PTPN3: variants seen among roughly 807,000 people sequenced by gnomAD.
PTPN3 encodes the protein protein tyrosine phosphatase non-receptor type 3, also known as tyrosine-protein phosphatase non-receptor type 3.
PTPN3 carries 96 observed loss-of-function variants against 132.7 expected under a neutral mutation model. The observed-to-expected ratio is 0.72, with a 90% confidence interval of 0.61 to 0.86. The LOEUF is 0.86. Among genes scored for constraint, PTPN3 ranks in the 40% least tolerant of loss-of-function variants. PTPN3 has a pLI of 0.00. For synonymous variants in PTPN3, 398 were observed against 429.0 expected (o/e 0.93, Z 0.89); for missense variants, 1,125 against 1,159.6 (o/e 0.97, Z 0.43).
chr9:109,390,699 T>C (rs759518698), intron 21 of PTPN3, among the ~76,000 whole-genome samples: 3 of 152,188 alleles, frequency 2.0e-5, no homozygotes, highest in Non-Finnish European at 4.4e-5. Context: ...GCTTTTCCCA[T>C]AACATGTGAA....
At chr9:109,408,855 T>C (rs1164113301) in intron 16 of PTPN3, among the ~76,000 whole-genome samples, 1 of 118,858 alleles carries the variant, frequency 8.4e-6, no homozygotes, top group East Asian at 2.5e-4. Context: ...AATATATATA[T>C]ATATGGGCTT....
chr9:109,383,460 G>A lies in PTPN3; in HGVS notation c.2345C>T (p.Ala782Val). The A allele has an allele frequency of 6.2e-7, 1 of 1,614,106 alleles. No homozygotes were observed. Among genetic ancestry groups the A allele is most frequent in the Non-Finnish European group, 8.5e-7 (1 of 1,180,020 alleles). The change falls in exon 23 of 26, where the codon GCC (alanine) becomes GTC (valine). Residue 782 changes from alanine (A) to valine (V), a missense_variant. Physicochemically the swap from Ala to Val is moderately conservative, Grantham distance 64 (BLOSUM62 0). Coordinates refer to ENST00000374541, the MANE Select transcript of PTPN3 (RefSeq NM_002829.4). ...IQCQSEDCTI[A>V]YVSREMLVTN... ...GACCAGCATTTCTCGGGACACATAG[G>A]CGATGGTGCAGTCCTCTGACTGACA...
chr9:109,456,812 G>A (rs1432848248), intron 4 of PTPN3, among the ~76,000 whole-genome samples: 1 of 148,592 alleles, frequency 6.7e-6, no homozygotes, highest in Non-Finnish European at 1.5e-5. Context: ...GAAAGTATGA[G>A]GTGTTTGTGT....
upstream of PTPN3, among the ~76,000 whole-genome samples, chr9:109,501,682 C>T (rs1369934567): frequency 6.6e-6 from 1 of 152,178 alleles, no homozygotes. Flanking sequence ...TATTGTTGAA[C>T]TCAGCCAAGT....
At chr9:109,490,292 C>T (rs1021523727) in intron 1 of PTPN3, among the ~76,000 whole-genome samples, 7 of 152,238 alleles carry the variant, frequency 4.6e-5, no homozygotes, top group Admixed American at 1.3e-4. Flanking sequence ...CTTGCACCTC[C>T]TTCCATCTCT....
intron 22 of PTPN3, 86 bp from the exon 23 acceptor site, chr9:109,383,637 C>A: frequency 6.5e-7 from 1 of 1,526,966 alleles, no homozygotes; most frequent in Non-Finnish European, 8.9e-7. Flanking sequence ...ACGGGTTAGG[C>A]ATCCTCTCAT....
At chr9:109,483,113 C>T (rs538312738) in intron 1 of PTPN3, among the ~76,000 whole-genome samples, 1 of 152,358 alleles carries the variant, frequency 6.6e-6, no homozygotes, top group South Asian at 2.1e-4. Context: ...CCCAGATCAA[C>T]ATGATAGCTT....
At chr9:109,492,402 G>A (rs753102733) in intron 1 of PTPN3, among the ~76,000 whole-genome samples, 45 of 152,262 alleles carry the variant, frequency 3.0e-4, no homozygotes, top group Admixed American at 1.2e-3. Flanking sequence ...CCTGAGAACC[G>A]GGACCTGTGG....
At chr9:109,436,533 A>G (rs1844064848) in intron 9 of PTPN3, among the ~76,000 whole-genome samples, 1 of 152,244 alleles carries the variant, frequency 6.6e-6, no homozygotes, top group Admixed American at 6.5e-5. Flanking sequence ...AACACTTGAG[A>G]TTAAGTAGTA....
At chr9:109,449,492 C>T (rs1845099442) in intron 5 of PTPN3, 9 of 985,502 alleles carry the variant, frequency 9.1e-6, no homozygotes, top group African/African-American at 7.0e-5. Flanking sequence ...ATGTAACTTC[C>T]AAACTCCAGA....
At chr9:109,450,042 C>T (rs1024015994) in intron 5 of PTPN3, 1 of 983,490 alleles carries the variant, frequency 1.0e-6, no homozygotes, top group African/African-American at 1.7e-5. Flanking sequence ...TATGTGAGGT[C>T]AATTGTGTCT....
intron 2 of PTPN3, among the ~76,000 whole-genome samples, chr9:109,460,017 A>T (rs12551521): frequency 0.19 from 29,549 of 151,860 alleles, 3,233 homozygotes; most frequent in Admixed American, 0.3. Context: ...CCCATCCCCT[A>T]ACCTCCTGAC....
At chr9:109,383,982 C>G (rs1355492418) in intron 22 of PTPN3, among the ~76,000 whole-genome samples, 1 of 152,108 alleles carries the variant, frequency 6.6e-6, no homozygotes. Flanking sequence ...GGCCTCCAGG[C>G]ACAGCAGTTA....
intron 2 of PTPN3, among the ~76,000 whole-genome samples, chr9:109,462,000 T>C (rs1845864986): frequency 1.3e-5 from 2 of 152,212 alleles, no homozygotes; most frequent in Non-Finnish European, 2.9e-5. Context: ...GACAACTGAA[T>C]TTCCTTGCTG....
intron 1 of PTPN3, among the ~76,000 whole-genome samples, chr9:109,472,500 T>A (rs1016848547): frequency 6.6e-6 from 1 of 152,262 alleles, no homozygotes; most frequent in Non-Finnish European, 1.5e-5. Context: ...CCCAACTAAT[T>A]AAAAATTAGT....
At chr9:109,445,482 T>A (rs1389967460) in intron 6 of PTPN3, among the ~76,000 whole-genome samples, 190 bp from the exon 7 acceptor site, 3 of 152,228 alleles carry the variant, frequency 2.0e-5, no homozygotes, top group East Asian at 1.9e-4. Flanking sequence ...TAAAATTTTT[T>A]AAAAATAAAA....
At chr9:109,485,639 G>A (rs1215271867) in intron 1 of PTPN3, among the ~76,000 whole-genome samples, 1 of 151,996 alleles carries the variant, frequency 6.6e-6, no homozygotes, top group South Asian at 2.1e-4. Context: ...CCCCTTCCCC[G>A]CCCAGTCTTT....
rs939943059 is a variant in PTPN3, at chr9:109,448,796, T to C, written c.413+15A>G. The stretch of plus-strand genomic sequence containing the variant: ...CTAGTCTAACAGGAAAAGAAAAATG[T>C]AAAATTCTCATTACCTTCCTTCGCA... On this transcript the variant is annotated intron_variant, in intron 6 of 25. Transcript: ENST00000374541. 6.3e-7 allele frequency: 1 copy of C among 1,587,604 alleles called. No individual in the cohort carries two copies. Among genetic ancestry groups the C allele is most frequent in the African/African-American group, 1.4e-5 (1 of 72,848 alleles).
intron 22 of PTPN3, among the ~76,000 whole-genome samples, chr9:109,385,683 A>G (rs1044996924): frequency 3.3e-5 from 5 of 152,228 alleles, no homozygotes. Flanking sequence ...AAACAGTAAC[A>G]TATGCAAAGC....
Sources: allele counts gnomAD v4.1 joint callset (sites outside exome capture counted in the v4.1 genomes callset), GRCh38; gene constraint gnomAD v4.1.1; transcripts MANE v1.5; gene names NCBI Gene and HGNC (gene_info 2026-07-23, HGNC 2026-07-21).